Variants in SAMD5 observed in about 807,000 individuals in gnomAD.
SAMD5 encodes sterile alpha motif domain containing 5.
In SAMD5, 13 loss-of-function variants were observed where a neutral mutation model predicts 11.3. That is an observed-to-expected ratio of 1.15 (90% CI 0.75 to 1.83). SAMD5 has a LOEUF of 1.83. Among genes scored for constraint, SAMD5 ranks in the 40% most tolerant of loss-of-function variants. The pLI is 0.00. For missense variants in SAMD5, 255 were observed against 239.1 expected (o/e 1.07, Z -0.44); for synonymous variants, 129 against 111.3 (o/e 1.16, Z -1.00).
chr6:147,574,127 CAAA>C (rs146944147), downstream of SAMD5, among the ~76,000 whole-genome samples: 1 of 130,502 alleles, frequency 7.7e-6, no homozygotes, highest in Non-Finnish European at 1.6e-5. Context: ...GACTGTGTCT[CAAA>C]AAAAAAAAAC....
At chr6:147,664,055 C>T (rs1345710567) in intron 1 of SAMD5, among the ~76,000 whole-genome samples, 1 of 152,040 alleles carries the variant, frequency 6.6e-6, no homozygotes, top group Non-Finnish European at 1.5e-5. Flanking sequence ...TTAGAGAAAT[C>T]TCAAGGACCA....
chr6:147,631,259 G>A (rs147161170), intron 1 of SAMD5, among the ~76,000 whole-genome samples: 5,927 of 152,238 alleles, frequency 0.039, 211 homozygotes, highest in African/African-American at 0.092. Flanking sequence ...CACAAGGTCC[G>A]AATAAGAGAA....
intron 1 of SAMD5, among the ~76,000 whole-genome samples, chr6:147,645,853 G>T (rs1459925348): frequency 6.6e-6 from 1 of 152,154 alleles, no homozygotes; most frequent in African/African-American, 2.4e-5. Context: ...AGGTTTTTAG[G>T]TGAAACTTTG....
chr6:147,740,607 A>C (rs913640819), downstream of SAMD5, among the ~76,000 whole-genome samples: 11 of 152,218 alleles, frequency 7.2e-5, no homozygotes, highest in African/African-American at 2.4e-4. Flanking sequence ...TAACCTTGCC[A>C]TACTATTCCT....
rs148831221 is a variant in SAMD5 at position 147,686,659 on chromosome 6, A to G, written c.163-50658A>G. ...TTTCTATGCTTTCCAATACTGTGCT[A>G]TTTTAATTCCTATAGCTTTTTAAGA... On this transcript the variant is annotated intron_variant, in intron 1 of 1. Transcript: ENST00000566741. Among the ~76,000 whole-genome samples, 195 of 150,224 alleles carry G rather than the reference A, an allele frequency of 1.3e-3. 2 individuals carry two copies. The highest frequency in any genetic ancestry group is 3.4e-3 in the Middle Eastern group (1 of 290).
At chr6:147,718,210 T>A (rs914387756) in intron 1 of SAMD5, among the ~76,000 whole-genome samples, 3 of 152,162 alleles carry the variant, frequency 2.0e-5, no homozygotes, top group Admixed American at 1.3e-4. Flanking sequence ...AAGAGGTAAT[T>A]TTCTGAAGAG....
At chr6:147,925,333 G>A in the SAMD5 span, among the ~76,000 whole-genome samples, 1 of 152,136 alleles carries the variant, frequency 6.6e-6, no homozygotes, top group African/African-American at 2.4e-5. Flanking sequence ...CCAGCACCTT[G>A]ATCTTGGACT....
chr6:147,943,833 T>G, the SAMD5 span, among the ~76,000 whole-genome samples: 5 of 152,128 alleles, frequency 3.3e-5, no homozygotes, highest in African/African-American at 4.8e-5. Flanking sequence ...TCCCCTGAAT[T>G]TACAGCTGGT....
At chr6:147,704,759 A>G (rs1791301812) in intron 1 of SAMD5, among the ~76,000 whole-genome samples, 1 of 152,226 alleles carries the variant, frequency 6.6e-6, no homozygotes, top group African/African-American at 2.4e-5. Context: ...GTGTTTTTTA[A>G]AAAATACAAG....
intron 1 of SAMD5, among the ~76,000 whole-genome samples, chr6:147,737,021 C>A (rs922068464): frequency 6.6e-6 from 1 of 151,902 alleles, no homozygotes; most frequent in Non-Finnish European, 1.5e-5. Context: ...CATTTCAGTA[C>A]AAATGAAAAT....
At chr6:147,741,264 C>T (rs2282605), downstream of SAMD5, among the ~76,000 whole-genome samples, 81,088 of 151,842 alleles carry the variant, frequency 0.53, 22,378 homozygotes, top group Middle Eastern at 0.65. Flanking sequence ...GTCTCCAGAC[C>T]GTGCCAAGTT....
chr6:147,857,680 T>C, the SAMD5 span, among the ~76,000 whole-genome samples: 2 of 149,370 alleles, frequency 1.3e-5, no homozygotes, highest in African/African-American at 5.2e-5. Context: ...CCTTAGAATT[T>C]TTTCTTCTTT....
At position 147,566,460 on chromosome 6, in the gene SAMD5, A is replaced by C. The variant is rs1020343777; in HGVS notation, c.*2004A>C. 1 of 985,530 alleles carries C rather than the reference A, an allele frequency of 1.0e-6. No homozygotes were observed. The highest frequency in any genetic ancestry group is 1.7e-5 in the African/African-American group (1 of 57,212). The allele number at this position is 985,530 out of a possible 1,614,324, so 61.0% of individuals were successfully genotyped here. On this transcript the variant is annotated 3_prime_UTR_variant, in exon 2 of 2. Transcript: ENST00000367474. ...TGGCTGATTTATTTCACAGATGTAC[A>C]TTTGCATGTACTTGTTGAACTTTGC...
the SAMD5 span, among the ~76,000 whole-genome samples, chr6:147,743,604 C>T: frequency 2.0e-5 from 3 of 152,106 alleles, no homozygotes; most frequent in African/African-American, 2.4e-5. Flanking sequence ...AAAGTTCACT[C>T]ATTTTATTTG....
chr6:147,922,419 C>T, the SAMD5 span, among the ~76,000 whole-genome samples: 3 of 152,044 alleles, frequency 2.0e-5, no homozygotes, highest in Non-Finnish European at 1.5e-5. Flanking sequence ...AATACAGTTC[C>T]GGGTGTATGT....
At chr6:147,622,230 G>A (rs148142700) in intron 1 of SAMD5, among the ~76,000 whole-genome samples, 17 of 152,234 alleles carry the variant, frequency 1.1e-4, no homozygotes, top group East Asian at 1.9e-4. Flanking sequence ...CAATGGCATC[G>A]TATTTCCATA....
At chr6:147,848,830 T>TTTTAGCCATTTCGTTTAGCCA in the SAMD5 span, among the ~76,000 whole-genome samples, 1 of 152,218 alleles carries the variant, frequency 6.6e-6, no homozygotes, top group Non-Finnish European at 1.5e-5. Context: ...ATTTTTGGAC[T>TTTTAGCCATTTCGTTTAGCCA]TTTAGCCATT....
At chr6:147,633,705 T>C (rs1009852988) in intron 1 of SAMD5, among the ~76,000 whole-genome samples, 1 of 152,010 alleles carries the variant, frequency 6.6e-6, no homozygotes, top group Non-Finnish European at 1.5e-5. Context: ...TTTTTTTTTT[T>C]TTTTACAGCC....
chr6:147,573,740 T>C (rs1789172446), downstream of SAMD5, among the ~76,000 whole-genome samples: 1 of 152,156 alleles, frequency 6.6e-6, no homozygotes, highest in East Asian at 1.9e-4. Flanking sequence ...TTACTACATA[T>C]CAGCTGGGCA....
Sources: gnomAD v4.1 joint callset for allele counts (sites outside exome capture counted in the v4.1 genomes callset) on GRCh38, gnomAD v4.1.1 for gene constraint, MANE v1.5 for transcripts, NCBI Gene and HGNC (gene_info 2026-07-23, HGNC 2026-07-21) for gene names.